The following MEGF10 variants were observed in gnomAD, a reference collection of about 807,000 sequenced individuals.
The protein encoded by MEGF10 is multiple epidermal growth factor-like domains protein 10.
In MEGF10, 86 loss-of-function variants were observed where a neutral mutation model predicts 147.5. The observed-to-expected ratio is 0.58, with a 90% CI of 0.49 to 0.70. The LOEUF is 0.70. Among genes scored for constraint, MEGF10 ranks in the 30% least tolerant of loss-of-function variants. The pLI is 0.00. For missense variants in MEGF10, 1,329 were observed against 1,487.3 expected, an observed-to-expected ratio of 0.89 and a Z score of 1.75; for synonymous variants, 478 against 525.5, an observed-to-expected ratio of 0.91 and a Z score of 1.24.
chr5:127,313,597 A>G (rs1183832202), intron 1 of MEGF10, among the ~76,000 whole-genome samples: 4 of 152,220 alleles, frequency 2.6e-5, no homozygotes, highest in Admixed American at 2.6e-4. Flanking sequence ...TCTCGTCTGA[A>G]ACAATATTTA....
At chr5:127,428,352 G>A (rs569201956) in intron 13 of MEGF10, among the ~76,000 whole-genome samples, 187 of 152,122 alleles carry the variant, frequency 1.2e-3, no homozygotes, top group Non-Finnish European at 2.0e-3. Context: ...CATAATGCTT[G>A]GGTGCTGGGA....
the MEGF10 span, among the ~76,000 whole-genome samples, chr5:127,247,485 G>GAAA: frequency 6.4e-5 from 9 of 140,440 alleles, no homozygotes; most frequent in Non-Finnish European, 1.1e-4. Flanking sequence ...AGAAGAAGAA[G>GAAA]AAAAATTTAA....
At chr5:127,413,531 T>C (rs898889468) in intron 9 of MEGF10, among the ~76,000 whole-genome samples, 5 of 152,226 alleles carry the variant, frequency 3.3e-5, no homozygotes, top group Admixed American at 2.6e-4. Context: ...ATTCAACTAT[T>C]AAACAGTTTC....
chr5:127,283,289 GATTT>G, the MEGF10 span, among the ~76,000 whole-genome samples: 2 of 152,044 alleles, frequency 1.3e-5, no homozygotes. Flanking sequence ...AGAATATTTA[GATTT>G]ATTTATTCCA....
At chr5:127,455,314 G>T (rs1350566202) in intron 23 of MEGF10, 87 bp from the exon 24 acceptor site, 1 of 1,094,492 alleles carries the variant, frequency 9.1e-7, no homozygotes, top group African/African-American at 1.6e-5. Context: ...TGGAAACCTA[G>T]CTATAAAGAA....
intron 4 of MEGF10, among the ~76,000 whole-genome samples, chr5:127,347,259 G>A (rs528080039): frequency 3.2e-4 from 49 of 152,102 alleles, no homozygotes; most frequent in African/African-American, 1.2e-3. Flanking sequence ...ATGTGTTTGT[G>A]TTGTGTGTAT....
intron 7 of MEGF10, among the ~76,000 whole-genome samples, chr5:127,402,192 A>T (rs1198316849): frequency 1.3e-5 from 2 of 152,210 alleles, no homozygotes; most frequent in Non-Finnish European, 2.9e-5. Flanking sequence ...TTGTGCATGT[A>T]AGACACAAGG....
chr5:127,289,860 G>C (rs980927780), upstream of MEGF10, among the ~76,000 whole-genome samples: 1 of 152,124 alleles, frequency 6.6e-6, no homozygotes, highest in Non-Finnish European at 1.5e-5. Flanking sequence ...GCTTAAACCT[G>C]TTTTTGTTTT....
chr5:127,435,577 A>ATTCTTTCTTGATTAT, intron 16 of MEGF10, 88 bp downstream of exon 16: 1 of 1,286,006 alleles, frequency 7.8e-7, no homozygotes, highest in Non-Finnish European at 1.0e-6. Flanking sequence ...GTTTTTATAT[A>ATTCTTTCTTGATTAT]ATCAAGAAAG....
the MEGF10 span, among the ~76,000 whole-genome samples, chr5:127,267,029 G>A: frequency 1.3e-5 from 2 of 152,176 alleles, no homozygotes; most frequent in African/African-American, 4.8e-5. Flanking sequence ...TCCAGTTTTT[G>A]TCCATTCAGT....
At chr5:127,362,297 C>G (rs1172742422) in intron 4 of MEGF10, among the ~76,000 whole-genome samples, 1 of 147,710 alleles carries the variant, frequency 6.8e-6, no homozygotes, top group Non-Finnish European at 1.5e-5. Flanking sequence ...ATTAATATAG[C>G]TACTCCAGCT....
Position 127,396,763 on chromosome 5 carries a change from G to C in MEGF10, c.644G>C (p.Gly215Ala). The C allele has an allele frequency of 1.2e-6, 2 of 1,613,734 alleles. No homozygotes were observed. Among genetic ancestry groups the C allele is most frequent in the Non-Finnish European group, 1.7e-6 (2 of 1,179,858 alleles). ...HVTGECRCPP[G>A]YTGAFCEDLC... ...ACGGGGGAATGCCGCTGCCCACCAGGATACACCGGAGCCTTGTAAGTCACA... is the reference window on the plus strand; with the variant it reads ...ACGGGGGAATGCCGCTGCCCACCAGCATACACCGGAGCCTTGTAAGTCACA... The change falls in exon 6 of 25, where the codon GGA becomes GCA. Residue 215 changes from glycine to alanine, a missense_variant. Transcript: ENST00000503335.
At chr5:127,386,830 A>T (rs1763452960) in intron 5 of MEGF10, among the ~76,000 whole-genome samples, 1 of 152,242 alleles carries the variant, frequency 6.6e-6, no homozygotes, top group Non-Finnish European at 1.5e-5. Flanking sequence ...CTGGGCTGGG[A>T]CATCCCAATG....
chr5:127,398,232 T>A (rs78811203), intron 6 of MEGF10, among the ~76,000 whole-genome samples: 3,500 of 151,820 alleles, frequency 0.023, 46 homozygotes, highest in Non-Finnish European at 0.033. Flanking sequence ...TAAAGTAAAA[T>A]TTTAAAAATT....
At chr5:127,369,633 A>G (rs773107783) in intron 4 of MEGF10, among the ~76,000 whole-genome samples, 14 of 152,192 alleles carry the variant, frequency 9.2e-5, no homozygotes, top group Admixed American at 8.5e-4. Context: ...TTAAAGAGTG[A>G]ATTAGGCAAT....
intron 24 of MEGF10, among the ~76,000 whole-genome samples, 168 bp downstream of exon 24, chr5:127,455,775 C>A (rs1766342105): frequency 6.9e-6 from 1 of 144,496 alleles, no homozygotes. Context: ...TGGGGTCTCT[C>A]TGTCACCCAG....
At chr5:127,363,478 A>G (rs1762548674) in intron 4 of MEGF10, among the ~76,000 whole-genome samples, 1 of 152,130 alleles carries the variant, frequency 6.6e-6, no homozygotes, top group African/African-American at 2.4e-5. Context: ...GGGCAGCAGG[A>G]AGGAGAAAGA....
intron 4 of MEGF10, among the ~76,000 whole-genome samples, chr5:127,350,565 A>G (rs1338709006): frequency 6.6e-6 from 1 of 151,744 alleles, no homozygotes; most frequent in Non-Finnish European, 1.5e-5. Context: ...AGCAGCAGGC[A>G]CACCGAAGAC....
Position 127,422,618 on chromosome 5 carries a change from T to C in MEGF10, c.1591-52T>C. 7.0e-6 allele frequency: 10 copies of C among 1,427,544 alleles called. No homozygotes were observed. The South Asian group carries it at 1.2e-4, about 16-fold the overall frequency. The allele number at this position is 1,427,544 out of a possible 1,614,324, so 88.4% of individuals were successfully genotyped here. Reference sequence around the variant, plus strand: ...TGACAGTGGCCTTTTCCTCTTCTGTTGTGGGATTTCCCAGGCCCTCATTGC... The same window carrying C: ...TGACAGTGGCCTTTTCCTCTTCTGTCGTGGGATTTCCCAGGCCCTCATTGC... On this transcript the variant is annotated intron_variant, in intron 12 of 24. Coordinates refer to ENST00000503335, the MANE Select transcript of MEGF10 (RefSeq NM_001256545.2).
Sources: allele counts gnomAD v4.1 joint callset (sites outside exome capture counted in the v4.1 genomes callset), GRCh38; gene constraint gnomAD v4.1.1; transcripts MANE v1.5; gene names NCBI Gene and HGNC (gene_info 2026-07-23, HGNC 2026-07-21).